The following WASHC2C variants were observed in gnomAD, a reference collection of about 807,000 sequenced individuals.
WASHC2C encodes WASH complex subunit 2C.
WASHC2C carries 73 observed loss-of-function variants against 142.2 expected under a neutral mutation model. That is an observed-to-expected ratio of 0.51 (90% confidence interval 0.43 to 0.62). The LOEUF is 0.62. WASHC2C is among the 20% of genes least tolerant of loss of function. WASHC2C has a pLI of 0.00. For synonymous variants in WASHC2C, 337 were observed against 565.5 expected (o/e 0.60, Z 5.73); for missense variants, 969 against 1,531.7 (o/e 0.63, Z 6.13).
intron 29 of WASHC2C, 149 bp from the exon 30 acceptor site, chr10:45,790,207 C>T: frequency 7.5e-7 from 1 of 1,325,154 alleles, no homozygotes; most frequent in Non-Finnish European, 1.0e-6. Context: ...GTGCAGAGAT[C>T]TGGGGTAGTG....
chr10:45,742,542 C>G (rs1169349017), intron 5 of WASHC2C, among the ~76,000 whole-genome samples: 2 of 152,248 alleles, frequency 1.3e-5, no homozygotes, highest in Admixed American at 1.3e-4. Context: ...TCTCAAACTC[C>G]TGACCTCAAG....
Position 45,769,617 on chromosome 10 carries a change from A to T in WASHC2C, c.2038A>T (p.Ser680Cys). ...EDDLFAIAKD[S>C]QKKTQRVSLL... ...TGATCTTTTTGCCATTGCCAAGGAC[A>T]GGTGAGATAGTCATTGGAAGGAGTC... The change falls in exon 20 of 31, where the codon AGC becomes TGC. Residue 680 changes from serine to cysteine, a missense_variant and splice_region_variant. Transcript: ENST00000623400. 2 of 1,611,980 alleles carry T rather than the reference A, an allele frequency of 1.2e-6. No individual in the cohort carries two copies. Among genetic ancestry groups the T allele is most frequent in the Non-Finnish European group, 8.5e-7 (1 of 1,179,856 alleles).
intron 3 of WASHC2C, among the ~76,000 whole-genome samples, chr10:45,731,337 A>C: frequency 8.4e-6 from 1 of 118,966 alleles, no homozygotes; most frequent in African/African-American, 3.4e-5. Context: ...TCTCCTGCCC[A>C]CACCTCCCAT....
chr10:45,751,932 G>A (rs778305023), intron 11 of WASHC2C, among the ~76,000 whole-genome samples: 4 of 152,146 alleles, frequency 2.6e-5, no homozygotes, highest in Admixed American at 2.0e-4. Flanking sequence ...AGCCTTGATC[G>A]CGCCACTGCA....
chr10:45,729,858 G>T (rs1426300979), intron 3 of WASHC2C, among the ~76,000 whole-genome samples: 1 of 151,800 alleles, frequency 6.6e-6, no homozygotes, highest in African/African-American at 2.4e-5. Context: ...CCAAGATTTA[G>T]AATAGTTAAG....
chr10:45,788,014 G>A (rs1554890985), intron 28 of WASHC2C, among the ~76,000 whole-genome samples: 1 of 152,252 alleles, frequency 6.6e-6, no homozygotes, highest in Non-Finnish European at 1.5e-5. Context: ...GACACAGAAT[G>A]ACCTACCCTG....
At chr10:45,790,640 G>A (rs2058340730) in intron 30 of WASHC2C, 107 bp downstream of exon 30, 4 of 1,428,298 alleles carry the variant, frequency 2.8e-6, no homozygotes, top group East Asian at 2.3e-5. Context: ...GCACCCCAGC[G>A]GGTTCACTTC....
intron 25 of WASHC2C, 33 bp downstream of exon 25, chr10:45,784,934 G>A (rs1554889448): frequency 6.2e-7 from 1 of 1,609,400 alleles, no homozygotes; most frequent in South Asian, 1.1e-5. Context: ...ACTGGGTTGT[G>A]TGGGAAAGAT....
At chr10:45,786,418 T>A in intron 26 of WASHC2C, 194 bp from the exon 27 acceptor site, 2 of 764,142 alleles carry the variant, frequency 2.6e-6, no homozygotes, top group East Asian at 2.7e-5. Context: ...TTTCCACTTA[T>A]GTGACAGAGG....
chr10:45,744,154 G>A lies in WASHC2C; in HGVS notation c.623-667G>A, dbSNP rs1383109565. 4.1e-5 allele frequency among the ~76,000 whole-genome samples: 6 copies of A among 146,312 alleles called. No homozygotes were observed. The Admixed American group carries it at 4.1e-4, about 10-fold the overall frequency. On this transcript the variant is annotated intron_variant, in intron 6 of 30. Coordinates refer to ENST00000623400, the MANE Select transcript of WASHC2C (RefSeq NM_001330074.2). ...GCTCACTGCAACCTCCACCTCCTGG[G>A]TTCAAGCAATTCTCCTACCTCAGCC... is the stretch of plus-strand genomic sequence containing the variant.
intron 29 of WASHC2C, among the ~76,000 whole-genome samples, chr10:45,790,079 A>G (rs2058307718): frequency 6.6e-6 from 1 of 152,246 alleles, no homozygotes. Flanking sequence ...TCATGAAGAA[A>G]GTAACCTGGG....
At chr10:45,749,853 ATATT>A (rs1329412758) in intron 8 of WASHC2C, among the ~76,000 whole-genome samples, 25 of 135,016 alleles carry the variant, frequency 1.9e-4, no homozygotes, top group South Asian at 1.6e-3. Flanking sequence ...ATATATATAT[ATATT>A]TATATATATA....
In WASHC2C at chr10:45,755,078, C is replaced by A. The variant is rs1354482632; in HGVS notation, c.1383C>A (p.Asp461Glu). Residue 461 changes from aspartate (D) to glutamate (E), a missense_variant, in exon 15 of 31, where the codon GAC becomes GAA. Coordinates refer to ENST00000623400, the MANE Select transcript of WASHC2C (RefSeq NM_001330074.2). ...FDDDDGDDDD[D>E]FFSAPHSKPS... ...ATGATGATGGTGATGATGATGACGA[C>A]TTTTTCTCGGCACCCCACAGCAAAC... 1.1e-5 allele frequency: 17 copies of A among 1,611,152 alleles called. No homozygotes were observed. The highest frequency in any genetic ancestry group is 1.4e-5 in the Non-Finnish European group (16 of 1,179,642).
In WASHC2C at chr10:45,784,802, TG is replaced by T. The variant is rs782626271; in HGVS notation, c.2608-16del. The T allele has an allele frequency of 2.0e-5, 32 of 1,601,240 alleles. No homozygotes were observed. Among genetic ancestry groups the T allele is most frequent in the Non-Finnish European group, 2.6e-5 (31 of 1,172,914 alleles). On this transcript the variant is annotated intron_variant, in intron 24 of 30. Coordinates refer to ENST00000623400, the MANE Select transcript of WASHC2C (RefSeq NM_001330074.2). ...TTGTTTTGCTTTTGGATATTGAACT[TG>T]GGTCTTGTTTATTCTAGCTGTTAGA...
chr10:45,785,097 C>T (rs1554889519), intron 25 of WASHC2C, among the ~76,000 whole-genome samples, 196 bp downstream of exon 25: 1 of 152,154 alleles, frequency 6.6e-6, no homozygotes, highest in Non-Finnish European at 1.5e-5. Context: ...ATCTTATGTT[C>T]CCTATACTAA....
At position 45,752,615 on chromosome 10, in the gene WASHC2C, C is replaced by G. The variant is rs200898572; in HGVS notation, c.1031C>G (p.Pro344Arg). 3.0e-4 allele frequency: 489 copies of G among 1,609,858 alleles called. 6 individuals carry two copies. In the South Asian group the frequency reaches 4.2e-3, roughly 14 times the overall value. ...GAAGAGGATAACTTATTCGCACCCC[C>G]CAAGCTGACCGACGAGGACTTCTCG... ...DDEEDNLFAP[P>R]KLTDEDFSPF... The change falls in exon 12 of 31, where the codon CCC (proline) becomes CGC (arginine). Residue 344 changes from proline to arginine, a missense_variant. By Grantham distance (103) the Pro-to-Arg change is moderately radical. Coordinates refer to ENST00000623400, the MANE Select transcript of WASHC2C (RefSeq NM_001330074.2).
In WASHC2C at chr10:45,779,140, G is replaced by A. The variant is rs1230794503; in HGVS notation, c.2478+5G>A. ...CCACAGAAAGAAGTAGGAAAGGTAA[G>A]CAAAAAGCAGTAGTGGTTCAAGTCT... On this transcript the variant is annotated splice_donor_5th_base_variant and intron_variant, in intron 23 of 30. Transcript: ENST00000623400. 1.9e-6 allele frequency: 3 copies of A among 1,611,768 alleles called. No homozygotes were observed. The African/African-American group carries it at 4.0e-5, about 22-fold the overall frequency.
At chr10:45,790,059 G>A (rs2058306725) in intron 29 of WASHC2C, among the ~76,000 whole-genome samples, 1 of 152,246 alleles carries the variant, frequency 6.6e-6, no homozygotes, top group African/African-American at 2.4e-5. Context: ...TTTTCAAATA[G>A]TACTAAGTGT....
intron 14 of WASHC2C, 134 bp from the exon 15 acceptor site, chr10:45,754,802 G>T (rs2054037523): frequency 1.5e-6 from 2 of 1,327,166 alleles, no homozygotes; most frequent in Non-Finnish European, 2.1e-6. Context: ...AATGGATGGA[G>T]GCTATTGGGC....
Sources: gnomAD v4.1 joint callset for allele counts (sites outside exome capture counted in the v4.1 genomes callset) on GRCh38, gnomAD v4.1.1 for gene constraint, MANE v1.5 for transcripts, NCBI Gene and HGNC (gene_info 2026-07-23, HGNC 2026-07-21) for gene names.